PRKG2: variants seen among roughly 807,000 people sequenced by gnomAD.
PRKG2 encodes cGMP-dependent protein kinase 2.
In PRKG2, 33 loss-of-function variants were observed where a neutral mutation model predicts 97.2. The observed-to-expected ratio is 0.34, with a 90% CI of 0.26 to 0.45. The LOEUF is 0.45. PRKG2 is among the 20% of genes least tolerant of loss of function. PRKG2 has a pLI of 1.00. For missense variants in PRKG2, 638 were observed against 900.0 expected, an observed-to-expected ratio of 0.71 and a Z score of 3.73; for synonymous variants, 330 against 321.8, an observed-to-expected ratio of 1.03 and a Z score of -0.27.
intron 14 of PRKG2, among the ~76,000 whole-genome samples, chr4:81,116,476 G>A (rs935134180): frequency 6.6e-6 from 1 of 152,072 alleles, no homozygotes; most frequent in African/African-American, 2.4e-5. Context: ...GAATAGTGCT[G>A]TAATGAACAT....
intron 14 of PRKG2, among the ~76,000 whole-genome samples, chr4:81,130,430 C>G (rs1746056797): frequency 6.6e-6 from 1 of 152,168 alleles, no homozygotes; most frequent in Non-Finnish European, 1.5e-5. Flanking sequence ...CTGTTGATAC[C>G]TGCTGGGAGG....
chr4:81,158,884 TG>T (rs1313346156), intron 6 of PRKG2, among the ~76,000 whole-genome samples: 2 of 151,312 alleles, frequency 1.3e-5, no homozygotes, highest in Admixed American at 6.6e-5. Flanking sequence ...CTGGGAAAAC[TG>T]GCTAGCCATA....
At chr4:81,211,942 T>C (rs1753995576) in intron 1 of PRKG2, among the ~76,000 whole-genome samples, 1 of 152,140 alleles carries the variant, frequency 6.6e-6, no homozygotes, top group African/African-American at 2.4e-5. Flanking sequence ...TCTAGGTGGA[T>C]AGGAAACTGA....
intron 13 of PRKG2, among the ~76,000 whole-genome samples, chr4:81,136,237 T>A (rs770285638): frequency 6.6e-6 from 1 of 152,210 alleles, no homozygotes; most frequent in Non-Finnish European, 1.5e-5. Context: ...AGATGCTCAA[T>A]GTTCTTTCCT....
chr4:81,121,449 G>A lies in PRKG2; in HGVS notation c.1777-10838C>T, dbSNP rs571348279. On this transcript the variant is annotated intron_variant, in intron 14 of 18. Transcript: ENST00000264399. ...AGCCTGGTTCTTTGTGCTCTAGAAGGTTATTAATTATTGATTTAACTTCTT... is the reference window on the plus strand; with the variant it reads ...AGCCTGGTTCTTTGTGCTCTAGAAGATTATTAATTATTGATTTAACTTCTT... 1.2e-4 allele frequency among the ~76,000 whole-genome samples: 19 copies of A among 152,190 alleles called. 1 individual carries two copies. The South Asian group carries it at 2.7e-3, about 22-fold the overall frequency.
intron 2 of PRKG2, among the ~76,000 whole-genome samples, chr4:81,188,705 G>A (rs1350311154): frequency 4.1e-5 from 5 of 121,330 alleles, no homozygotes; most frequent in Non-Finnish European, 7.6e-5. Flanking sequence ...AAAAAATGAT[G>A]AGTTCATGTC....
intron 2 of PRKG2, among the ~76,000 whole-genome samples, chr4:81,195,194 T>C (rs1001490102): frequency 1.3e-5 from 2 of 152,186 alleles, no homozygotes; most frequent in African/African-American, 4.8e-5. Context: ...CAAGTATTGA[T>C]TAACAATGAT....
chr4:81,171,414 T>C (rs1422890247), intron 4 of PRKG2, among the ~76,000 whole-genome samples: 2 of 152,060 alleles, frequency 1.3e-5, no homozygotes, highest in Non-Finnish European at 2.9e-5. Flanking sequence ...AGTCTATCAC[T>C]GATGGTCATT....
At chr4:81,154,056 G>C (rs1469818832) in intron 6 of PRKG2, 1 of 154,406 alleles carries the variant, frequency 6.5e-6, no homozygotes, top group Non-Finnish European at 1.2e-5. Context: ...CGCGCTTTTG[G>C]GACGGCCTTA....
intron 2 of PRKG2, among the ~76,000 whole-genome samples, chr4:81,191,997 T>C (rs993339575): frequency 2.6e-5 from 4 of 152,214 alleles, no homozygotes; most frequent in African/African-American, 7.2e-5. Context: ...ATAATTCATA[T>C]ACAAGACATG....
intron 13 of PRKG2, among the ~76,000 whole-genome samples, chr4:81,135,737 G>A (rs564939804): frequency 7.2e-5 from 11 of 151,938 alleles, no homozygotes; most frequent in East Asian, 1.9e-4. Context: ...AGTAACCCCC[G>A]TAAAAATGGA....
intron 7 of PRKG2, among the ~76,000 whole-genome samples, chr4:81,152,592 G>C (rs563889328): frequency 4.6e-5 from 7 of 152,238 alleles, no homozygotes; most frequent in African/African-American, 1.7e-4. Flanking sequence ...AAAGGCTTAA[G>C]AACCCCCCAC....
intron 2 of PRKG2, among the ~76,000 whole-genome samples, chr4:81,193,966 C>A (rs752888950): frequency 1.3e-4 from 20 of 152,098 alleles, no homozygotes; most frequent in Non-Finnish European, 2.8e-4. Context: ...TAGGGTACCC[C>A]AGACCCACCA....
At chr4:81,171,979 A>C (rs1750517450) in intron 3 of PRKG2, among the ~76,000 whole-genome samples, 175 bp from the exon 4 acceptor site, 1 of 151,990 alleles carries the variant, frequency 6.6e-6, no homozygotes, top group African/African-American at 2.4e-5. Context: ...TCTGCCACTT[A>C]CTATTAGCTG....
chr4:81,128,042 G>C (rs750151130), intron 14 of PRKG2, among the ~76,000 whole-genome samples: 39 of 152,210 alleles, frequency 2.6e-4, no homozygotes, highest in Non-Finnish European at 4.3e-4. Context: ...TAGCATAAAG[G>C]GGTGTTGAAT....
Position 81,156,550 on chromosome 4 carries a change from G to A in PRKG2, c.913-2829C>T, listed in dbSNP as rs1231269873. ...ACAGAAAGTCAACAAGAATACCCAG[G>A]AATTGAACTCAGCTCTGCACCAAGC... On this transcript the variant is annotated intron_variant, in intron 6 of 18. Coordinates refer to ENST00000264399, the MANE Select transcript of PRKG2 (RefSeq NM_006259.3). Among the ~76,000 whole-genome samples, 3 of 151,910 alleles carry A rather than the reference G, an allele frequency of 2.0e-5. No individual in the cohort carries two copies. In the East Asian group the frequency reaches 5.8e-4, roughly 29 times the overall value.
intron 14 of PRKG2, among the ~76,000 whole-genome samples, chr4:81,124,441 C>A (rs531517516): frequency 6.6e-6 from 1 of 152,320 alleles, no homozygotes; most frequent in Admixed American, 6.5e-5. Context: ...TTAGAGCAGG[C>A]CCTGTGTAGC....
chr4:81,166,672 A>T (rs1382459043), intron 6 of PRKG2, among the ~76,000 whole-genome samples: 1 of 152,104 alleles, frequency 6.6e-6, no homozygotes, highest in East Asian at 1.9e-4. Flanking sequence ...CTTCTTAAAT[A>T]CAGTTTTTAA....
intron 14 of PRKG2, among the ~76,000 whole-genome samples, chr4:81,132,708 A>G (rs1160333454): frequency 1.3e-5 from 2 of 152,212 alleles, no homozygotes; most frequent in East Asian, 1.9e-4. Context: ...CTACTCCGCC[A>G]TTAATGACAG....
Sources: allele counts gnomAD v4.1 joint callset (sites outside exome capture counted in the v4.1 genomes callset), GRCh38; gene constraint gnomAD v4.1.1; transcripts MANE v1.5; gene names NCBI Gene and HGNC (gene_info 2026-07-23, HGNC 2026-07-21).